Variants in TBC1D2 observed in about 807,000 individuals in gnomAD.
TBC1D2 encodes the protein TBC1 domain family member 2.
Under a neutral mutation model 91.1 loss-of-function variants are expected in TBC1D2, and 58 were observed. The ratio of observed to expected loss-of-function variants is 0.64; its 90% CI spans 0.52 to 0.79. TBC1D2 has a LOEUF of 0.79. Ranked by LOEUF, TBC1D2 falls within the 30% of genes least tolerant of loss-of-function variation. TBC1D2 has a pLI of 0.00. For synonymous variants in TBC1D2, 482 were observed against 511.5 expected, an observed-to-expected ratio of 0.94 and a Z score of 0.78; for missense variants, 1,080 against 1,208.3, an observed-to-expected ratio of 0.89 and a Z score of 1.57.
intron 2 of TBC1D2, among the ~76,000 whole-genome samples, chr9:98,249,733 A>T (rs1284420997): frequency 6.6e-6 from 1 of 152,244 alleles, no homozygotes; most frequent in African/African-American, 2.4e-5. Context: ...ATATACTATT[A>T]TGATAGTAAT....
intron 3 of TBC1D2, among the ~76,000 whole-genome samples, chr9:98,241,365 C>A (rs1380939389): frequency 1.3e-5 from 2 of 152,180 alleles, no homozygotes; most frequent in African/African-American, 2.4e-5. Context: ...CTCCCTACCC[C>A]CTTCCCTGAG....
intron 5 of TBC1D2, among the ~76,000 whole-genome samples, chr9:98,222,337 G>C (rs1454347349): frequency 2.0e-5 from 3 of 152,150 alleles, no homozygotes; most frequent in African/African-American, 7.2e-5. Flanking sequence ...TTGAGTCAGG[G>C]TTAAAGAGGA....
intron 5 of TBC1D2, among the ~76,000 whole-genome samples, chr9:98,223,141 G>A (rs1199858375): frequency 6.6e-6 from 1 of 152,268 alleles, no homozygotes; most frequent in African/African-American, 2.4e-5. Flanking sequence ...AGGGGAACAA[G>A]GGTGTTTGTG....
At position 98,209,111 on chromosome 9, in the gene TBC1D2, G is replaced by A. The variant is rs200531970; in HGVS notation, c.1707C>T (p.Pro569=). ...GCTTCAGGTCTTCCACCTCATAGTC[G>A]GGCACCGTCAGGAAGCCGTACTCAT... ...KYDEYGFLTV[P]DYEVEDLKLL... is the part of the protein sequence containing the mutation. The change falls in exon 9 of 13, where the codon CCC becomes CCT. Residue 569 remains proline (P), a synonymous_variant. Transcript: ENST00000465784. 7.4e-6 allele frequency: 12 copies of A among 1,613,944 alleles called. No homozygotes were observed. Among genetic ancestry groups the A allele is most frequent in the Non-Finnish European group, 1.0e-5 (12 of 1,179,904 alleles).
At chr9:98,214,645 T>A (rs1335666948) in intron 6 of TBC1D2, among the ~76,000 whole-genome samples, 2 of 152,210 alleles carry the variant, frequency 1.3e-5, no homozygotes, top group Non-Finnish European at 2.9e-5. Flanking sequence ...GAACATCACA[T>A]GTAGTTTGGG....
At chr9:98,241,339 C>A (rs990830719) in intron 3 of TBC1D2, among the ~76,000 whole-genome samples, 10 of 152,182 alleles carry the variant, frequency 6.6e-5, no homozygotes, top group African/African-American at 2.2e-4. Context: ...AAGCACCCAA[C>A]ACAGTGCTCA....
intron 6 of TBC1D2, among the ~76,000 whole-genome samples, chr9:98,213,850 G>C (rs565771440): frequency 5.1e-4 from 77 of 152,208 alleles, no homozygotes; most frequent in Middle Eastern, 6.8e-3. Flanking sequence ...TTTTGATTAT[G>C]AATAATGCTG....
rs1828415931 is a variant in TBC1D2 at position 98,199,280 on chromosome 9, G to C, written c.*101C>G. On this transcript the variant is annotated 3_prime_UTR_variant, in exon 13 of 13. Coordinates refer to ENST00000465784, the MANE Select transcript of TBC1D2 (RefSeq NM_001267571.2). ...GGAAGGGACATGTCCAAGGTCACAT[G>C]GTGATGGGACACCCAGGGCTGGGCC... 1 of 1,301,868 alleles carries C rather than the reference G, an allele frequency of 7.7e-7. No individual in the cohort carries two copies. Among genetic ancestry groups the C allele is most frequent in the Non-Finnish European group, 1.1e-6 (1 of 917,992 alleles). The allele number at this position is 1,301,868 out of a possible 1,614,324, so 80.6% of individuals were successfully genotyped here. A position where few individuals can be genotyped will look rare whatever the true frequency, so the allele number is the denominator to read the frequency against.
intron 3 of TBC1D2, among the ~76,000 whole-genome samples, chr9:98,240,166 GGTGTGT>G (rs60630078): frequency 0.039 from 5,433 of 137,940 alleles, 342 homozygotes; most frequent in African/African-American, 0.13. Flanking sequence ...GTGTTTGTGT[GGTGTGT>G]GTGTGTGTGT....
At chr9:98,211,617 C>T (rs1033805988) in intron 7 of TBC1D2, among the ~76,000 whole-genome samples, 2 of 152,128 alleles carry the variant, frequency 1.3e-5, no homozygotes, top group African/African-American at 4.8e-5. Context: ...CTATCTCATC[C>T]TGGGGTGGCA....
At position 98,239,888 on chromosome 9, in the gene TBC1D2, C is replaced by T. The variant is rs139226882; in HGVS notation, c.647+4106G>A. ...TAGGTCTTTTTAGATTTTCTTCTTG[C>T]GTATATTTTAGTAAATGTGTCTTTC... On this transcript the variant is annotated intron_variant, in intron 3 of 12. Transcript: ENST00000465784. Among the ~76,000 whole-genome samples the T allele has an allele frequency of 5.1e-3, 775 of 152,132 alleles. 2 individuals are homozygous for T. Among genetic ancestry groups the T allele is most frequent in the South Asian group, 7.9e-3 (38 of 4,814 alleles).
At position 98,206,629 on chromosome 9, in the gene TBC1D2, GGA is replaced by G. The variant is rs1828662780; in HGVS notation, c.2150+2037_2150+2038del. ...GCACAGCCTCTGACTACTGCTATTT[GGA>G]GAGAGAGCAGGTTGTAGAAAGGACT... On this transcript the variant is annotated intron_variant, in intron 9 of 12. Transcript: ENST00000465784. 2.6e-5 allele frequency among the ~76,000 whole-genome samples: 4 copies of G among 152,324 alleles called. No individual in the cohort carries two copies. In the South Asian group the frequency reaches 8.3e-4, roughly 32 times the overall value.
chr9:98,222,091 G>T (rs1588044960), intron 5 of TBC1D2, among the ~76,000 whole-genome samples: 1 of 152,296 alleles, frequency 6.6e-6, no homozygotes, highest in East Asian at 1.9e-4. Flanking sequence ...TTTCAGGGAT[G>T]AACAAACTGA....
intron 5 of TBC1D2, among the ~76,000 whole-genome samples, chr9:98,223,839 G>A (rs2119096711): frequency 6.6e-6 from 1 of 152,334 alleles, no homozygotes; most frequent in East Asian, 1.9e-4. Flanking sequence ...AAGATGAGGA[G>A]TGAGAATGTC....
In TBC1D2 at chr9:98,230,515, G is replaced by C. The variant is rs549008278; in HGVS notation, c.782-1367C>G. 3.1e-4 allele frequency among the ~76,000 whole-genome samples: 47 copies of C among 152,332 alleles called. 1 individual carries two copies. Among genetic ancestry groups the C allele is most frequent in the Admixed American group, 2.6e-3 (40 of 15,306 alleles). On this transcript the variant is annotated intron_variant, in intron 4 of 12. Transcript: ENST00000465784. ...TATGGCATCCCAGGATAGGGGACAC[G>C]CAGGGCTTTGGGGATAGGCCAAATG...
chr9:98,201,654 C>A lies in TBC1D2; in HGVS notation c.2282G>T (p.Arg761Leu). ...NTLTASQVDQRVLQDLLSEKL... is the reference protein window; with the variant it reads ...NTLTASQVDQLVLQDLLSEKL... ...CTCCGAGAGCAGGTCCTGGAGCACC[C>A]GCTGGTCCACCTGGAAGCCAGCGAG... The change falls in exon 11 of 13, where the codon CGG (arginine) becomes CTG (leucine). Residue 761 changes from arginine (R) to leucine (L), a missense_variant. Physicochemically the swap from Arg to Leu is moderately radical, Grantham distance 102. Coordinates refer to ENST00000465784, the MANE Select transcript of TBC1D2 (RefSeq NM_001267571.2). 6.2e-7 allele frequency: 1 copy of A among 1,611,062 alleles called. No individual in the cohort carries two copies. Among genetic ancestry groups the A allele is most frequent in the South Asian group, 1.1e-5 (1 of 90,942 alleles).
intron 1 of TBC1D2, 128 bp downstream of exon 1, chr9:98,255,045 A>C: frequency 6.9e-7 from 1 of 1,454,478 alleles, no homozygotes; most frequent in Non-Finnish European, 9.1e-7. Context: ...GCAAAGCACA[A>C]AGTTCTTGGA....
chr9:98,229,225 C>T (rs762809188), intron 4 of TBC1D2, 77 bp from the exon 5 acceptor site: 2 of 1,388,496 alleles, frequency 1.4e-6, no homozygotes, highest in Non-Finnish European at 2.0e-6. Flanking sequence ...TTTAGAAGCA[C>T]CTGGAGGGCT....
intron 2 of TBC1D2, among the ~76,000 whole-genome samples, chr9:98,245,394 C>T (rs1282482110): frequency 1.3e-5 from 2 of 151,846 alleles, no homozygotes; most frequent in Admixed American, 6.6e-5. Flanking sequence ...TGGCAAAACC[C>T]CATCTCTACA....
Sources: allele counts gnomAD v4.1 joint callset (sites outside exome capture counted in the v4.1 genomes callset), GRCh38; gene constraint gnomAD v4.1.1; transcripts MANE v1.5; gene names NCBI Gene and HGNC (gene_info 2026-07-23, HGNC 2026-07-21).